The following SMIM5 variants were observed in gnomAD, a reference collection of about 807,000 sequenced individuals.
SMIM5 encodes the protein small integral membrane protein 5.
Under a neutral mutation model 4.0 loss-of-function variants are expected in SMIM5, and 4 were observed. That is an observed-to-expected ratio of 1.01 (90% CI 0.50 to 2.30). The LOEUF is 2.30. SMIM5 is among the 30% of genes most tolerant of loss of function. The probability of loss-of-function intolerance (pLI) is 0.02; values close to 1 mark genes in which losing one functional copy is unlikely to be tolerated. For synonymous variants in SMIM5, 46 were observed against 43.6 expected, an observed-to-expected ratio of 1.05 and a Z score of -0.22; for missense variants, 107 against 99.2, an observed-to-expected ratio of 1.08 and a Z score of -0.34.
rs1285083229 is a variant in SMIM5 at position 75,636,290 on chromosome 17, A to G, written c.-37+2088A>G. Among the ~76,000 whole-genome samples, 2 of 151,932 alleles carry G rather than the reference A, an allele frequency of 1.3e-5. No individual in the cohort carries two copies. Among genetic ancestry groups the G allele is most frequent in the African/African-American group, 4.8e-5 (2 of 41,328 alleles). ...CCTGGTTCGCAGGTGGGCACTACCAAGCGTGGGGTTGGGAGGGACTGGTTG... is the reference window on the plus strand; with the variant it reads ...CCTGGTTCGCAGGTGGGCACTACCAGGCGTGGGGTTGGGAGGGACTGGTTG... On this transcript the variant is annotated intron_variant, in intron 1 of 2. Coordinates refer to ENST00000375215, the MANE Select transcript of SMIM5 (RefSeq NM_001162995.3). This position sits in a 1 kb window ranked among gnomAD's most constrained non-coding sequence, Gnocchi z 5.4.
At chr17:75,634,558 G>A (rs902989262) in intron 1 of SMIM5, among the ~76,000 whole-genome samples, 2 of 152,208 alleles carry the variant, frequency 1.3e-5, no homozygotes, top group African/African-American at 2.4e-5. Context: ...AATGGCTGCC[G>A]GCCTGCTGAG....
chr17:75,636,141 A>C lies in SMIM5; in HGVS notation c.-37+1939A>C, dbSNP rs2059317428. 1.3e-5 allele frequency among the ~76,000 whole-genome samples: 2 copies of C among 151,870 alleles called. No homozygotes were observed. Among genetic ancestry groups the C allele is most frequent in the African/African-American group, 2.4e-5 (1 of 41,322 alleles). ...GAGGGCCTGGTGGCAGCTGGGCTAC[A>C]CTCCCTCTTAAGGCCAGAGGGAGCC... On this transcript the variant is annotated intron_variant, in intron 1 of 2. Transcript: ENST00000375215. This position sits in a 1 kb window ranked among gnomAD's most constrained non-coding sequence, Gnocchi z 5.4.
At position 75,641,332 on chromosome 17, in the gene SMIM5, G is replaced by A. The variant is rs1045893216; in HGVS notation, c.*435G>A. 1.3e-4 allele frequency: 21 copies of A among 165,642 alleles called. No individual in the cohort carries two copies. The highest frequency in any genetic ancestry group is 3.3e-4 in the South Asian group (2 of 5,994). The allele number at this position is 165,642 out of a possible 1,614,324, so 10.3% of individuals were successfully genotyped here. On this transcript the variant is annotated 3_prime_UTR_variant, in exon 3 of 3. Transcript: ENST00000375215. ...CAATAGCTTCTGCATCCGAGCTCCCGCCAGAGCGTGAGCATGTCAGTATTC... is the reference window on the plus strand; with the variant it reads ...CAATAGCTTCTGCATCCGAGCTCCCACCAGAGCGTGAGCATGTCAGTATTC...
chr17:75,640,435 A>G lies in SMIM5; in HGVS notation c.127+107A>G. 12 of 1,432,492 alleles carry G rather than the reference A, an allele frequency of 8.4e-6. No individual in the cohort carries two copies. The highest frequency in any genetic ancestry group is 1.1e-5 in the Non-Finnish European group (12 of 1,086,314). The allele number at this position is 1,432,492 out of a possible 1,614,324, so 88.7% of individuals were successfully genotyped here. ...AGAGGTGGCGGGTGTCTGCCGGATC[A>G]AGGAGGAAAACCAGTTGTCCCTTGG... On this transcript the variant is annotated intron_variant, in intron 2 of 2. Transcript: ENST00000375215. The surrounding 1 kb of genome is among the most constrained non-coding windows in gnomAD (Gnocchi z 4.6).
chr17:75,637,344 C>G (rs1721916478), intron 1 of SMIM5: 2 of 152,372 alleles, frequency 1.3e-5, no homozygotes, highest in Admixed American at 1.3e-4. Flanking sequence ...AAACGCCAGA[C>G]CAAGTGTAGA....
In SMIM5 at chr17:75,633,472, T is replaced by C; in HGVS notation, c.-767T>C. 7.8e-7 allele frequency: 1 copy of C among 1,289,034 alleles called. No individual in the cohort carries two copies. The highest frequency in any genetic ancestry group is 1.0e-6 in the Non-Finnish European group (1 of 988,604). The allele number at this position is 1,289,034 out of a possible 1,614,324, so 79.8% of individuals were successfully genotyped here. A position where few individuals can be genotyped will look rare whatever the true frequency, so the allele number is the denominator to read the frequency against. On this transcript the variant is annotated 5_prime_UTR_variant, in exon 1 of 3. It removes an upstream start codon present in the reference 5' UTR. Coordinates refer to ENST00000375215, the MANE Select transcript of SMIM5 (RefSeq NM_001162995.3). ...GAAGGCCCTCACCTCACAAGGAACA[T>C]GAGGCGCCTTGCCGGGCGCGCAGGC...
rs556805933 is a variant in SMIM5 at position 75,640,623 on chromosome 17, C to T, written c.128-168C>T. On this transcript the variant is annotated intron_variant, in intron 2 of 2. Coordinates refer to ENST00000375215, the MANE Select transcript of SMIM5 (RefSeq NM_001162995.3). This position sits in a 1 kb window ranked among gnomAD's most constrained non-coding sequence, Gnocchi z 4.6. Reference sequence around the variant, plus strand: ...ACAACATGGAGGAGGTTGGCCCTGGCGGCTGGCATGGGGACCGTCCGCACC... The same window carrying T: ...ACAACATGGAGGAGGTTGGCCCTGGTGGCTGGCATGGGGACCGTCCGCACC... Among the ~76,000 whole-genome samples, 7 of 152,076 alleles carry T rather than the reference C, an allele frequency of 4.6e-5. No individual in the cohort carries two copies. Among genetic ancestry groups the T allele is most frequent in the Admixed American group, 2.6e-4 (4 of 15,272 alleles).
chr17:75,636,966 T>C lies in SMIM5; in HGVS notation c.-37+2764T>C, dbSNP rs1346063001. On this transcript the variant is annotated intron_variant, in intron 1 of 2. Transcript: ENST00000375215. This position sits in a 1 kb window ranked among gnomAD's most constrained non-coding sequence, Gnocchi z 5.4. ...AGCCCTGGGCGCAAAGCTATGACAC[T>C]GTCCACAGCCGCAGCCTGCTGCTGC... 2.0e-5 allele frequency: 3 copies of C among 152,224 alleles called. No individual in the cohort carries two copies. Among genetic ancestry groups the C allele is most frequent in the African/African-American group, 7.2e-5 (3 of 41,466 alleles). The allele number at this position is 152,224 out of a possible 1,614,324, so 9.4% of individuals were successfully genotyped here.
rs777283585 is a variant in SMIM5 at position 75,640,769 on chromosome 17, G to A, written c.128-22G>A. On this transcript the variant is annotated intron_variant, in intron 2 of 2. Coordinates refer to ENST00000375215, the MANE Select transcript of SMIM5 (RefSeq NM_001162995.3). This position sits in a 1 kb window ranked among gnomAD's most constrained non-coding sequence, Gnocchi z 4.6. ...CTTTCTCTCCCCCAACCTGAGTCCC[G>A]TGCTCTCTCCCGGCCCTCCAGCTAC... is the stretch of plus-strand genomic sequence containing the variant. 10 of 1,547,216 alleles carry A rather than the reference G, an allele frequency of 6.5e-6. No homozygotes were observed. Among genetic ancestry groups the A allele is most frequent in the East Asian group, 4.9e-5 (2 of 40,822 alleles).
rs2059275450 is a variant in SMIM5 at position 75,634,170 on chromosome 17, C to T, written c.-69C>T. On this transcript the variant is annotated 5_prime_UTR_variant, in exon 1 of 3. Transcript: ENST00000375215. ...CACGTGGAGGCTCCGCGCTGGGGCA[C>T]TGCTGCTCAGCCCCCAACACCTGAG... 2.7e-5 allele frequency: 27 copies of T among 985,408 alleles called. No homozygotes were observed. The South Asian group carries it at 1.1e-3, about 39-fold the overall frequency. 61.0% of individuals were successfully genotyped at this position (985,408 alleles called of 1,614,324 possible). A position where few individuals can be genotyped will look rare whatever the true frequency, so the allele number is the denominator to read the frequency against.
At chr17:75,634,390 C>T (rs181115429) in intron 1 of SMIM5, among the ~76,000 whole-genome samples, 188 bp downstream of exon 1, 1 of 152,364 alleles carries the variant, frequency 6.6e-6, no homozygotes, top group Non-Finnish European at 1.5e-5. Flanking sequence ...TGCTGGGACC[C>T]TGCACTAGGG....
Position 75,634,185 on chromosome 17 carries a change from C to T in SMIM5, c.-54C>T. ...CGCTGGGGCACTGCTGCTCAGCCCCCAACACCTGAGCTCCCAGGTGAGTGG... is the reference window on the plus strand; with the variant it reads ...CGCTGGGGCACTGCTGCTCAGCCCCTAACACCTGAGCTCCCAGGTGAGTGG... On this transcript the variant is annotated 5_prime_UTR_variant, in exon 1 of 3. Coordinates refer to ENST00000375215, the MANE Select transcript of SMIM5 (RefSeq NM_001162995.3). 1 of 985,544 alleles carries T rather than the reference C, an allele frequency of 1.0e-6. No homozygotes were observed. Among genetic ancestry groups the T allele is most frequent in the Non-Finnish European group, 1.2e-6 (1 of 830,012 alleles). 61.0% of individuals were successfully genotyped at this position (985,544 alleles called of 1,614,324 possible).
chr17:75,640,834 C>A lies in SMIM5; in HGVS notation c.171C>A (p.Cys57Ter). Residue 57 changes from cysteine (C) to a stop codon, truncating the protein, a stop_gained, in exon 3 of 3, where the codon TGC (cysteine) becomes TGA (stop). Coordinates refer to ENST00000375215, the MANE Select transcript of SMIM5 (RefSeq NM_001162995.3). LOFTEE classifies it high-confidence loss of function. This position sits in a 1 kb window ranked among gnomAD's most constrained non-coding sequence, Gnocchi z 4.6. Reference protein sequence around the residue: ...LLLLIACSCCCTHCCCPERRG... With the variant: ...LLLLIACSCC Reference sequence around the variant, plus strand: ...TGCTGATAGCCTGCAGCTGCTGCTGCACTCACTGCTGCTGCCCTGAGCGGA... The same window carrying A: ...TGCTGATAGCCTGCAGCTGCTGCTGAACTCACTGCTGCTGCCCTGAGCGGA... 2 of 1,549,906 alleles carry A rather than the reference C, an allele frequency of 1.3e-6. No homozygotes were observed. The highest frequency in any genetic ancestry group is 4.9e-5 in the East Asian group (2 of 40,924).
Position 75,640,223 on chromosome 17 carries a change from C to T in SMIM5, c.22C>T (p.Gln8Ter). The T allele has an allele frequency of 1.3e-6, 2 of 1,550,446 alleles. No individual in the cohort carries two copies. Among genetic ancestry groups the T allele is most frequent in the South Asian group, 1.2e-5 (1 of 83,980 alleles). The change falls in exon 2 of 3, where the codon CAG (glutamine) becomes TAG (stop). Residue 8 changes from glutamine to a stop codon, truncating the protein, a stop_gained. Transcript: ENST00000375215. LOFTEE classifies it high-confidence loss of function. The surrounding 1 kb of genome is among the most constrained non-coding windows in gnomAD (Gnocchi z 4.6). ...CGGCATGGCTGCCACCGACTTCGTG[C>T]AGGAGATGCGCGCCGTGGGCGAGAG... MAATDFVQEMRAVGERLL... is the reference protein window; with the variant it reads MAATDFV
rs999961531 is a variant in SMIM5, at chr17:75,640,208, G to A, written c.7G>A (p.Ala3Thr). 3.0e-5 allele frequency: 47 copies of A among 1,548,290 alleles called. No homozygotes were observed. The African/African-American group carries it at 5.3e-4, about 18-fold the overall frequency. The stretch of plus-strand genomic sequence containing the variant: ...AACAGGAAGCCAGCGCGGCATGGCT[G>A]CCACCGACTTCGTGCAGGAGATGCG... MA[A>T]TDFVQEMRAV... is the part of the protein sequence containing the mutation. The change falls in exon 2 of 3, where the codon GCC becomes ACC. Residue 3 changes from alanine to threonine, a missense_variant. Transcript: ENST00000375215. This position sits in a 1 kb window ranked among gnomAD's most constrained non-coding sequence, Gnocchi z 4.6.
At position 75,633,786 on chromosome 17, in the gene SMIM5, C is replaced by T; in HGVS notation, c.-453C>T. 9.9e-7 allele frequency: 1 copy of T among 1,009,980 alleles called. No individual in the cohort carries two copies. The highest frequency in any genetic ancestry group is 1.2e-6 in the Non-Finnish European group (1 of 843,052). The allele number at this position is 1,009,980 out of a possible 1,614,324, so 62.6% of individuals were successfully genotyped here. On this transcript the variant is annotated 5_prime_UTR_variant, in exon 1 of 3. Coordinates refer to ENST00000375215, the MANE Select transcript of SMIM5 (RefSeq NM_001162995.3). The stretch of plus-strand genomic sequence containing the variant: ...GGCTCAGGTGGAGCCTCCCCAGGGT[C>T]CTCCTGGCCAGGAAGGCAGAGAGCC...
chr17:75,634,514 T>G (rs1308541096), intron 1 of SMIM5, among the ~76,000 whole-genome samples: 1 of 152,214 alleles, frequency 6.6e-6, no homozygotes, highest in Non-Finnish European at 1.5e-5. Flanking sequence ...TCAGGGGGCT[T>G]AAAAGAGGGA....
In SMIM5 at chr17:75,640,887, C is replaced by T. The variant is rs1473591526; in HGVS notation, c.224C>T (p.Thr75Ile). ...GGCAGGAAGGTCCAGGTGCAGCCGA[C>T]ACCACCATGACGGACGGGCGATGGC... Reference protein sequence around the residue: ...RRGRKVQVQPTPP With the variant: ...RRGRKVQVQPIPP Residue 75 changes from threonine (T) to isoleucine (I), a missense_variant, in exon 3 of 3, where the codon ACA becomes ATA. Transcript: ENST00000375215. The surrounding 1 kb of genome is among the most constrained non-coding windows in gnomAD (Gnocchi z 4.6). 1.3e-6 allele frequency: 2 copies of T among 1,545,368 alleles called. No individual in the cohort carries two copies. The highest frequency in any genetic ancestry group is 1.7e-6 in the Non-Finnish European group (2 of 1,146,914).
chr17:75,640,169 C>T lies in SMIM5; in HGVS notation c.-33C>T, dbSNP rs1231536281. On this transcript the variant is annotated 5_prime_UTR_variant, in exon 2 of 3. Transcript: ENST00000375215. This position sits in a 1 kb window ranked among gnomAD's most constrained non-coding sequence, Gnocchi z 4.6. ...GGTGTTCTCTCTGCCCCAGCAGAGCCCGGCAGGAGCCCCAACAGGAAGCCA... is the reference window on the plus strand; with the variant it reads ...GGTGTTCTCTCTGCCCCAGCAGAGCTCGGCAGGAGCCCCAACAGGAAGCCA... The T allele has an allele frequency of 6.6e-7, 1 of 1,525,992 alleles. No individual in the cohort carries two copies. The highest frequency in any genetic ancestry group is 1.4e-5 in the African/African-American group (1 of 72,504). The allele number at this position is 1,525,992 out of a possible 1,614,324, so 94.5% of individuals were successfully genotyped here.
Sources: gnomAD v4.1 joint callset for allele counts (sites outside exome capture counted in the v4.1 genomes callset) on GRCh38, gnomAD v4.1.1 for gene constraint, Gnocchi (gnomAD v3.1) non-coding constraint, MANE v1.5 for transcripts, NCBI Gene and HGNC (gene_info 2026-07-23, HGNC 2026-07-21) for gene names.